The following GRM8 variants were observed in gnomAD, a reference collection of about 807,000 sequenced individuals.
GRM8 encodes glutamate metabotropic receptor 8.
Under a neutral mutation model 87.2 loss-of-function variants are expected in GRM8, and 47 were observed. The ratio of observed to expected loss-of-function variants is 0.54; its 90% CI spans 0.43 to 0.69. The LOEUF is 0.69. Ranked by LOEUF, GRM8 falls within the 30% of genes least tolerant of loss-of-function variation. The pLI is 0.00. For missense variants in GRM8, 1,019 were observed against 1,139.2 expected (o/e 0.89, Z 1.52); for synonymous variants, 396 against 404.5 (o/e 0.98, Z 0.25).
At chr7:127,136,813 T>C (rs1827967808) in intron 2 of GRM8, among the ~76,000 whole-genome samples, 1 of 151,762 alleles carries the variant, frequency 6.6e-6, no homozygotes, top group South Asian at 2.1e-4. Flanking sequence ...CTGAGAGGAA[T>C]GTGTACCAAG....
chr7:126,837,548 T>C (rs761750965), intron 6 of GRM8, among the ~76,000 whole-genome samples: 6 of 152,226 alleles, frequency 3.9e-5, no homozygotes, highest in Non-Finnish European at 8.8e-5. Context: ...AATTCATTCA[T>C]GTTGATACAC....
intron 7 of GRM8, among the ~76,000 whole-genome samples, chr7:126,726,185 A>G (rs1031706498): frequency 5.3e-5 from 8 of 151,964 alleles, no homozygotes; most frequent in African/African-American, 1.5e-4. Flanking sequence ...ACTCCATGCC[A>G]TCCACTATAT....
intron 3 of GRM8, among the ~76,000 whole-genome samples, chr7:126,996,411 A>C (rs186484821): frequency 6.6e-5 from 10 of 152,206 alleles, no homozygotes; most frequent in Non-Finnish European, 1.0e-4. Flanking sequence ...CAAACAGTAC[A>C]ACAAGACAAA....
In GRM8 at chr7:126,914,799, A is replaced by G. The variant is rs1803711733; in HGVS notation, c.728-10116T>C. On this transcript the variant is annotated intron_variant, in intron 3 of 10. Coordinates refer to ENST00000339582, the MANE Select transcript of GRM8 (RefSeq NM_000845.3). ...GGAGGGAGTGGGGCAAGGGCTAAAA[A>G]CTTCCTATTGGGTACTATGTTCATC... Among the ~76,000 whole-genome samples the G allele has an allele frequency of 2.0e-5, 3 of 152,204 alleles. No individual in the cohort carries two copies. The South Asian group carries it at 6.2e-4, about 32-fold the overall frequency.
intron 3 of GRM8, among the ~76,000 whole-genome samples, chr7:127,015,216 A>G (rs1815491293): frequency 7.3e-6 from 1 of 137,130 alleles, no homozygotes. Flanking sequence ...AAGAAGAAGA[A>G]GAAGAAGAAG....
intron 7 of GRM8, among the ~76,000 whole-genome samples, chr7:126,669,344 TA>T (rs978158743): frequency 5.3e-5 from 8 of 151,160 alleles, no homozygotes; most frequent in African/African-American, 1.9e-4. Context: ...TAAAAATTTT[TA>T]AAAAAAAGTC....
intron 9 of GRM8, among the ~76,000 whole-genome samples, chr7:126,489,599 A>G (rs1041529111): frequency 1.1e-4 from 17 of 152,090 alleles, no homozygotes; most frequent in Non-Finnish European, 2.1e-4. Context: ...GGATACCACA[A>G]AGAAAGATCT....
chr7:127,159,476 A>T (rs1490814167), intron 2 of GRM8, among the ~76,000 whole-genome samples: 1 of 152,182 alleles, frequency 6.6e-6, no homozygotes, highest in Non-Finnish European at 1.5e-5. Flanking sequence ...CACTGCTGAA[A>T]CAGCTGTATA....
At chr7:127,152,113 A>T (rs1280164739) in intron 2 of GRM8, among the ~76,000 whole-genome samples, 1 of 152,124 alleles carries the variant, frequency 6.6e-6, no homozygotes, top group Non-Finnish European at 1.5e-5. Context: ...CTACAGAGAC[A>T]GGGAAGACAG....
At chr7:126,938,316 GT>G (rs1806552750) in intron 3 of GRM8, among the ~76,000 whole-genome samples, 1 of 152,120 alleles carries the variant, frequency 6.6e-6, no homozygotes, top group African/African-American at 2.4e-5. Flanking sequence ...TGAGTTTCTG[GT>G]GACTTCATGG....
At chr7:126,485,455 C>T (rs1433487061) in intron 9 of GRM8, among the ~76,000 whole-genome samples, 1 of 151,854 alleles carries the variant, frequency 6.6e-6, no homozygotes, top group African/African-American at 2.4e-5. Context: ...TGGGGTGTGT[C>T]CTCGATCCCC....
At chr7:126,997,705 G>A (rs7796426) in intron 3 of GRM8, among the ~76,000 whole-genome samples, 48,924 of 151,306 alleles carry the variant, frequency 0.32, 8,247 homozygotes, top group African/African-American at 0.4. Context: ...AAATTCCTAG[G>A]CTCAAACAAC....
chr7:127,156,195 C>T (rs549444176), intron 2 of GRM8, among the ~76,000 whole-genome samples: 2 of 152,134 alleles, frequency 1.3e-5, no homozygotes, highest in Non-Finnish European at 2.9e-5. Flanking sequence ...TGGGGCTATG[C>T]ATATGAGTTG....
intron 8 of GRM8, among the ~76,000 whole-genome samples, chr7:126,553,724 T>C (rs1319538625): frequency 1.3e-5 from 2 of 152,196 alleles, no homozygotes; most frequent in African/African-American, 4.8e-5. Context: ...CCCAATTGTA[T>C]TGATTACAAT....
At chr7:126,674,501 C>A (rs1296741560) in intron 7 of GRM8, among the ~76,000 whole-genome samples, 1 of 152,076 alleles carries the variant, frequency 6.6e-6, no homozygotes, top group African/African-American at 2.4e-5. Flanking sequence ...ATGGGTCAAA[C>A]TTAGGTTTCT....
At chr7:126,709,610 C>G (rs1361121714) in intron 7 of GRM8, among the ~76,000 whole-genome samples, 2 of 152,086 alleles carry the variant, frequency 1.3e-5, no homozygotes, top group African/African-American at 4.8e-5. Flanking sequence ...GAAAACAGTA[C>G]AGAGGTTCCT....
chr7:127,097,363 G>A (rs1284857413), intron 3 of GRM8, among the ~76,000 whole-genome samples: 3 of 152,174 alleles, frequency 2.0e-5, no homozygotes, highest in Non-Finnish European at 4.4e-5. Context: ...AGAATACTTA[G>A]CCCAGAAGTG....
chr7:127,140,790 C>A (rs1397190742), intron 2 of GRM8, among the ~76,000 whole-genome samples: 1 of 152,154 alleles, frequency 6.6e-6, no homozygotes, highest in East Asian at 1.9e-4. Flanking sequence ...TGCTGTTTGT[C>A]ATTAAACCCA....
chr7:126,533,382 A>T lies in GRM8; in HGVS notation c.2000T>A (p.Leu667Gln). Residue 667 changes from leucine (L) to glutamine (Q), a missense_variant, in exon 9 of 11, where the codon CTG (leucine) becomes CAG (glutamine). Transcript: ENST00000339582. The stretch of plus-strand genomic sequence containing the variant: ...TCGGTGGATACGGTTTGTTTTGGTC[A>T]GAAGGGCTGCATAGCTGAAACACAT... ...LGMCFSYAAL[L>Q]TKTNRIHRIF... 1.2e-6 allele frequency: 2 copies of T among 1,614,058 alleles called. No homozygotes were observed. The highest frequency in any genetic ancestry group is 1.7e-6 in the Non-Finnish European group (2 of 1,179,986).
Sources: allele counts gnomAD v4.1 joint callset (sites outside exome capture counted in the v4.1 genomes callset), GRCh38; gene constraint gnomAD v4.1.1; transcripts MANE v1.5; gene names NCBI Gene and HGNC (gene_info 2026-07-23, HGNC 2026-07-21).